Variants in DSCAML1 observed in about 807,000 individuals in gnomAD.
The protein encoded by DSCAML1 is DS cell adhesion molecule like 1.
In DSCAML1, 38 loss-of-function variants were observed where a neutral mutation model predicts 200.5. The ratio of observed to expected loss-of-function variants is 0.19; its 90% CI spans 0.15 to 0.25. DSCAML1 has a LOEUF of 0.25. Ranked by LOEUF, DSCAML1 falls within the 10% of genes least tolerant of loss-of-function variation. The pLI, the probability that DSCAML1 is intolerant of heterozygous loss-of-function variation, is 1.00. For missense variants in DSCAML1, 2,223 were observed against 2,858.8 expected (o/e 0.78, Z 5.07); for synonymous variants, 1,215 against 1,165.0 (o/e 1.04, Z -0.87).
intron 2 of DSCAML1, among the ~76,000 whole-genome samples, chr11:117,779,750 T>G (rs1263917807): frequency 6.6e-6 from 1 of 152,286 alleles, no homozygotes; most frequent in East Asian, 1.9e-4. Context: ...ATCAGAATAG[T>G]GGTGGCTCTT....
At chr11:117,439,491 C>T in intron 22 of DSCAML1, 62 bp from the exon 23 acceptor site, 1 of 1,559,754 alleles carries the variant, frequency 6.4e-7, no homozygotes, top group Non-Finnish European at 8.7e-7. Context: ...CTGAGGCCCT[C>T]CCCCCGGTGT....
At chr11:117,582,415 A>T (rs1302911750) in intron 3 of DSCAML1, among the ~76,000 whole-genome samples, 1 of 152,214 alleles carries the variant, frequency 6.6e-6, no homozygotes, top group African/African-American at 2.4e-5. Context: ...TGGTTGAGAG[A>T]GGGATAAGCC....
intron 1 of DSCAML1, among the ~76,000 whole-genome samples, chr11:117,806,967 T>G (rs1048816978): frequency 6.6e-6 from 1 of 152,220 alleles, no homozygotes; most frequent in African/African-American, 2.4e-5. Context: ...CATAATTTCA[T>G]CCATTGATCA....
In DSCAML1 at chr11:117,780,726, AC is replaced by A; in HGVS notation, c.130del (p.Val44TrpfsTer175). The A allele has an allele frequency of 6.4e-7, 1 of 1,571,482 alleles. No homozygotes were observed. Among genetic ancestry groups the A allele is most frequent in the South Asian group, 1.2e-5 (1 of 85,956 alleles). Reference protein sequence around the residue: ...QVTFSSSVGVVVPCPAAGSPS... With the variant: ...QVTFSSSVGVXVPCPAAGSPS... ...GGAGCCCGCGGCCGGGCAGGGCACC[AC>A]CACCCCCACGGAGCTGGAAAAGGTC... is the stretch of plus-strand genomic sequence containing the variant. On this transcript the variant is annotated frameshift_variant, in exon 2 of 33. Transcript: ENST00000651296. LOFTEE classifies it high-confidence loss of function. The surrounding 1 kb of genome is among the most constrained non-coding windows in gnomAD (Gnocchi z 4.8).
At chr11:117,641,926 T>C (rs1287839319) in intron 3 of DSCAML1, among the ~76,000 whole-genome samples, 1 of 152,158 alleles carries the variant, frequency 6.6e-6, no homozygotes, top group Non-Finnish European at 1.5e-5. Context: ...AAACTGAGAC[T>C]CAGGGACCTC....
At chr11:117,436,721 C>T (rs907177255) in intron 26 of DSCAML1, among the ~76,000 whole-genome samples, 7 of 152,068 alleles carry the variant, frequency 4.6e-5, no homozygotes, top group Admixed American at 6.5e-5. Context: ...TTGGTATTTG[C>T]GACTGCAGCA....
chr11:117,525,026 G>T lies in DSCAML1; in HGVS notation c.716C>A (p.Ala239Asp). 1 of 1,600,388 alleles carries T rather than the reference G, an allele frequency of 6.2e-7. No individual in the cohort carries two copies. Among genetic ancestry groups the T allele is most frequent in the Non-Finnish European group, 8.5e-7 (1 of 1,174,638 alleles). ...GCAGGGCAGCTCCACGGTGTGGCCG[G>T]CCCACACTTCCTGGGAGTGGAAGCC... Reference protein sequence around the residue: ...LDGFHSQEVWAGHTVELPCTA... With the variant: ...LDGFHSQEVWDGHTVELPCTA... Residue 239 changes from alanine to aspartate, a missense_variant, in exon 5 of 33, where the codon GCC becomes GAC. This residue lies in a region of DSCAML1 where 579 missense variants were observed against 721.5 expected (regional missense o/e 0.80). Transcript: ENST00000651296.
intron 3 of DSCAML1, among the ~76,000 whole-genome samples, chr11:117,555,776 C>CGGCTG (rs2050548373): frequency 6.6e-6 from 1 of 152,060 alleles, no homozygotes; most frequent in Admixed American, 6.6e-5. Context: ...TGAGGGCTTT[C>CGGCTG]AGCAGAGGGA....
In DSCAML1 at chr11:117,606,906, C is replaced by T. The variant is rs1340250925; in HGVS notation, c.512-74384G>A. Reference sequence around the variant, plus strand: ...AGGAGGGTGACATTTGGATAGGAAACTAGACAAGGGGGAGTGTTGACTGGT... The same window carrying T: ...AGGAGGGTGACATTTGGATAGGAAATTAGACAAGGGGGAGTGTTGACTGGT... On this transcript the variant is annotated intron_variant, in intron 3 of 32. Coordinates refer to ENST00000651296, the MANE Select transcript of DSCAML1 (RefSeq NM_020693.4). Among the ~76,000 whole-genome samples, 3 of 152,210 alleles carry T rather than the reference C, an allele frequency of 2.0e-5. No individual in the cohort carries two copies. In the East Asian group the frequency reaches 5.8e-4, roughly 29 times the overall value.
At chr11:117,791,285 G>A (rs1386501669) in intron 1 of DSCAML1, among the ~76,000 whole-genome samples, 5 of 152,234 alleles carry the variant, frequency 3.3e-5, no homozygotes, top group African/African-American at 1.2e-4. Flanking sequence ...AAGGTCACAG[G>A]CTGCCAAGAG....
chr11:117,570,210 G>A (rs1010035495), intron 3 of DSCAML1, among the ~76,000 whole-genome samples: 1 of 152,102 alleles, frequency 6.6e-6, no homozygotes, highest in Non-Finnish European at 1.5e-5. Context: ...TGGAGATGAT[G>A]GGGTAGTTTT....
chr11:117,586,676 G>T (rs2051150215), intron 3 of DSCAML1, among the ~76,000 whole-genome samples: 1 of 152,186 alleles, frequency 6.6e-6, no homozygotes, highest in East Asian at 1.9e-4. Flanking sequence ...AAGGCTTGGA[G>T]AATTCATGCC....
chr11:117,558,807 G>C (rs1052634991), intron 3 of DSCAML1, among the ~76,000 whole-genome samples: 2 of 152,200 alleles, frequency 1.3e-5, no homozygotes, highest in African/African-American at 4.8e-5. Context: ...TGAGGAAGGT[G>C]ACTGGGGGCT....
At chr11:117,608,918 A>C (rs1396017702) in intron 3 of DSCAML1, among the ~76,000 whole-genome samples, 1 of 152,102 alleles carries the variant, frequency 6.6e-6, no homozygotes, top group Non-Finnish European at 1.5e-5. Flanking sequence ...TTGTAATCCC[A>C]GCACTTGGGA....
intron 3 of DSCAML1, among the ~76,000 whole-genome samples, chr11:117,666,065 GC>G (rs2137657420): frequency 6.6e-6 from 1 of 152,280 alleles, no homozygotes; most frequent in South Asian, 2.1e-4. Flanking sequence ...AGAGCTCAGG[GC>G]TGCTGCTGAG....
In DSCAML1 at chr11:117,437,310, G is replaced by A. The variant is rs759971259; in HGVS notation, c.4532C>T (p.Thr1511Ile). 1.9e-6 allele frequency: 3 copies of A among 1,614,286 alleles called. No homozygotes were observed. The highest frequency in any genetic ancestry group is 1.1e-5 in the South Asian group (1 of 91,090). The change falls in exon 26 of 33, where the codon ACA becomes ATA. Residue 1511 changes from threonine to isoleucine, a missense_variant. Coordinates refer to ENST00000651296, the MANE Select transcript of DSCAML1 (RefSeq NM_020693.4). The surrounding 1 kb of genome is among the most constrained non-coding windows in gnomAD (Gnocchi z 5.3). ...GGGCCGGTACTCCAGAACGATGGCT[G>A]TGATAGGGCAGCCCCCATTGTTCCA... ...QGWNNGGCPI[T>I]AIVLEYRPKG...
chr11:117,614,419 G>T (rs998631032), intron 3 of DSCAML1, among the ~76,000 whole-genome samples: 1 of 152,162 alleles, frequency 6.6e-6, no homozygotes, highest in Non-Finnish European at 1.5e-5. Flanking sequence ...GGCGCAGTGT[G>T]GCCATTTGGA....
At chr11:117,569,335 G>A (rs544696783) in intron 3 of DSCAML1, among the ~76,000 whole-genome samples, 173 of 152,212 alleles carry the variant, frequency 1.1e-3, no homozygotes, top group African/African-American at 3.6e-3. Context: ...CTAAAACACC[G>A]AAAGCAATGG....
At chr11:117,442,160 C>A (rs113710681) in intron 21 of DSCAML1, among the ~76,000 whole-genome samples, 1 of 150,648 alleles carries the variant, frequency 6.6e-6, no homozygotes, top group Non-Finnish European at 1.5e-5. Context: ...TGTGTATATG[C>A]GTATATGCAT....
Sources: allele counts gnomAD v4.1 joint callset (sites outside exome capture counted in the v4.1 genomes callset), GRCh38; gene constraint gnomAD v4.1.1; regional missense constraint gnomAD v4.1.1; non-coding constraint Gnocchi (gnomAD v3.1); transcripts MANE v1.5; gene names NCBI Gene and HGNC (gene_info 2026-07-23, HGNC 2026-07-21).